ZNF772: variants seen among roughly 807,000 people sequenced by gnomAD.
ZNF772 encodes zinc finger protein 772.
A neutral mutation model predicts 11.0 loss-of-function variants in ZNF772; 8 were observed. That is an observed-to-expected ratio of 0.73 (90% CI 0.43 to 1.31). The LOEUF is 1.31. Among genes scored for constraint, ZNF772 ranks in the 50% most tolerant of loss-of-function variants. The pLI, the probability that ZNF772 is intolerant of heterozygous loss-of-function variation, is 0.01. For synonymous variants in ZNF772, 155 were observed against 180.4 expected (o/e 0.86, Z 1.13); for missense variants, 496 against 552.3 (o/e 0.90, Z 1.02).
Position 57,474,325 on chromosome 19 carries a change from G to A in ZNF772, c.296C>T (p.Thr99Ile). 1 of 1,614,008 alleles carries A rather than the reference G, an allele frequency of 6.2e-7. No homozygotes were observed. The highest frequency in any genetic ancestry group is 8.5e-7 in the Non-Finnish European group (1 of 1,180,006). Reference protein sequence around the residue: ...QIRIPKGGPSTQKAYPCGTCG... With the variant: ...QIRIPKGGPSIQKAYPCGTCG... ...TGTCCCACAGGGGTAAGCCTTCTGAGTAGAAGGACCTCCCTTGGGAATCCT... is the reference window on the plus strand; with the variant it reads ...TGTCCCACAGGGGTAAGCCTTCTGAATAGAAGGACCTCCCTTGGGAATCCT... The change falls in exon 4 of 4, where the codon ACT becomes ATT. Residue 99 changes from threonine to isoleucine, a missense_variant. Physicochemically the swap from Thr to Ile is moderately conservative, Grantham distance 89 (BLOSUM62 -1). Transcript: ENST00000356584.
At chr19:57,476,739 C>A in intron 1 of ZNF772, 67 bp from the exon 2 acceptor site, 2 of 1,396,954 alleles carry the variant, frequency 1.4e-6, no homozygotes, top group Non-Finnish European at 2.0e-6. Flanking sequence ...TCAACCCCAT[C>A]CCATATTCCT....
chr19:57,475,848 C>A lies in ZNF772; in HGVS notation c.73-62G>T, dbSNP rs996458029. ...TCTCTCCCAAGAACCCCCATCCGTG[C>A]CCCCACACATCTCCCTCCTGTACAC... On this transcript the variant is annotated intron_variant, in intron 2 of 3. Coordinates refer to ENST00000356584, the MANE Select transcript of ZNF772 (RefSeq NM_001144068.2). This position sits in a 1 kb window ranked among gnomAD's most constrained non-coding sequence, Gnocchi z 4.2. The A allele has an allele frequency of 2.6e-6, 4 of 1,544,662 alleles. No homozygotes were observed. Among genetic ancestry groups the A allele is most frequent in the Non-Finnish European group, 3.5e-6 (4 of 1,145,838 alleles).
At position 57,472,851 on chromosome 19, in the gene ZNF772, C is replaced by G. The variant is rs2089231524; in HGVS notation, c.*423G>C. The G allele has an allele frequency of 5.9e-6, 1 of 169,704 alleles. No homozygotes were observed. The highest frequency in any genetic ancestry group is 2.4e-5 in the African/African-American group (1 of 41,858). 10.5% of individuals were successfully genotyped at this position (169,704 alleles called of 1,614,324 possible). A position where few individuals can be genotyped will look rare whatever the true frequency, so the allele number is the denominator to read the frequency against. On this transcript the variant is annotated 3_prime_UTR_variant, in exon 4 of 4. Transcript: ENST00000356584. Reference sequence around the variant, plus strand: ...TGCCAGTGGTCAGCAGAACAAAGCTCCCATTTTTCTGGCTAAAACTGGGTC... The same window carrying G: ...TGCCAGTGGTCAGCAGAACAAAGCTGCCATTTTTCTGGCTAAAACTGGGTC...
intron 1 of ZNF772, 92 bp downstream of exon 1, chr19:57,477,185 C>A: frequency 6.4e-7 from 1 of 1,563,270 alleles, no homozygotes; most frequent in Non-Finnish European, 8.8e-7. Flanking sequence ...GATACAGGGG[C>A]CTGAGCTGCA....
At chr19:57,477,169 G>A in intron 1 of ZNF772, 108 bp downstream of exon 1, 2 of 1,497,398 alleles carry the variant, frequency 1.3e-6, no homozygotes, top group Non-Finnish European at 1.8e-6. Context: ...CGCCCCCACT[G>A]TTCTAGATAC....
rs1362700905 is a variant in ZNF772, at chr19:57,471,492, A to G, written c.*1782T>C. ...TATTAAACAACTAAAACAGAAAAAG[A>G]AAAAAACCATATAGGATTATGGTCA... On this transcript the variant is annotated 3_prime_UTR_variant, in exon 4 of 4. Transcript: ENST00000356584. 1.3e-5 allele frequency: 2 copies of G among 152,184 alleles called. No individual in the cohort carries two copies. The highest frequency in any genetic ancestry group is 2.9e-5 in the Non-Finnish European group (2 of 68,032). The allele number at this position is 152,184 out of a possible 1,614,324, so 9.4% of individuals were successfully genotyped here. A position where few individuals can be genotyped will look rare whatever the true frequency, so the allele number is the denominator to read the frequency against.
rs960282484 is a variant in ZNF772, at chr19:57,473,067, G to C, written c.*207C>G. 6.8e-6 allele frequency: 4 copies of C among 588,026 alleles called. No homozygotes were observed. Among genetic ancestry groups the C allele is most frequent in the East Asian group, 2.8e-5 (1 of 35,682 alleles). 36.4% of individuals were successfully genotyped at this position (588,026 alleles called of 1,614,324 possible). On this transcript the variant is annotated 3_prime_UTR_variant, in exon 4 of 4. Transcript: ENST00000356584. The stretch of plus-strand genomic sequence containing the variant: ...GATGGCTTCTAACAGGCACTGCCTT[G>C]ACGAAATTCCAGCAAGAGTCTAGAA...
Position 57,473,557 on chromosome 19 carries a change from T to C in ZNF772, c.1064A>G (p.His355Arg). The C allele has an allele frequency of 1.9e-6, 3 of 1,613,298 alleles. No homozygotes were observed. Among genetic ancestry groups the C allele is most frequent in the Non-Finnish European group, 2.5e-6 (3 of 1,179,276 alleles). The change falls in exon 4 of 4, where the codon CAT (histidine) becomes CGT (arginine). Residue 355 changes from histidine (H) to arginine (R), a missense_variant. His to Arg is a conservative substitution (Grantham distance 29). Coordinates refer to ENST00000356584, the MANE Select transcript of ZNF772 (RefSeq NM_001144068.2). Reference sequence around the variant, plus strand: ...CCTTGCTCCAGTATGAACACTCCAATGTTTAATGAGTCTGTATTTGTGACC... The same window carrying C: ...CCTTGCTCCAGTATGAACACTCCAACGTTTAATGAGTCTGTATTTGTGACC... ...YFGHKYRLIK[H>R]WSVHTGARPY...
In ZNF772 at chr19:57,473,253, G is replaced by C. The variant is rs2089236137; in HGVS notation, c.*21C>G. 1.3e-6 allele frequency: 2 copies of C among 1,596,038 alleles called. No homozygotes were observed. Among genetic ancestry groups the C allele is most frequent in the East Asian group, 4.5e-5 (2 of 44,650 alleles). On this transcript the variant is annotated 3_prime_UTR_variant, in exon 4 of 4. Coordinates refer to ENST00000356584, the MANE Select transcript of ZNF772 (RefSeq NM_001144068.2). ...GATGTCAGTTATTATGTTGAACAAG[G>C]AAACGGAATTATCTCCCATCCTAAG...
rs1050404392 is a variant in ZNF772, at chr19:57,471,113, A to G, written c.*2161T>C. 1.3e-5 allele frequency: 2 copies of G among 152,260 alleles called. No homozygotes were observed. The highest frequency in any genetic ancestry group is 2.9e-5 in the Non-Finnish European group (2 of 68,050). The allele number at this position is 152,260 out of a possible 1,614,324, so 9.4% of individuals were successfully genotyped here. ...GCTTCCTTGGTGAATTCTACCAAAC[A>G]TTTAAGGAAGAAATAATACCAATTA... On this transcript the variant is annotated 3_prime_UTR_variant, in exon 4 of 4. Coordinates refer to ENST00000356584, the MANE Select transcript of ZNF772 (RefSeq NM_001144068.2).
At chr19:57,474,462 G>A (rs761090033) in intron 3 of ZNF772, 41 bp from the exon 4 acceptor site, 1 of 1,564,716 alleles carries the variant, frequency 6.4e-7, no homozygotes, top group Non-Finnish European at 8.6e-7. Context: ...AATTGACACA[G>A]GTGGAAGAGG....
rs1482191287 is a variant in ZNF772, at chr19:57,473,567, G to A, written c.1054C>T (p.Leu352Phe). 4 of 1,613,102 alleles carry A rather than the reference G, an allele frequency of 2.5e-6. No individual in the cohort carries two copies. The African/African-American group carries it at 5.3e-5, about 22-fold the overall frequency. Residue 352 changes from leucine to phenylalanine, a missense_variant, in exon 4 of 4, where the codon CTC (leucine) becomes TTC (phenylalanine). Leu to Phe is a conservative substitution (Grantham distance 22). Coordinates refer to ENST00000356584, the MANE Select transcript of ZNF772 (RefSeq NM_001144068.2). ...GTATGAACACTCCAATGTTTAATGA[G>A]TCTGTATTTGTGACCAAAGTATTTT... is the stretch of plus-strand genomic sequence containing the variant. ...CGKYFGHKYR[L>F]IKHWSVHTGA...
chr19:57,475,102 C>T lies in ZNF772; in HGVS notation c.199+558G>A. On this transcript the variant is annotated intron_variant, in intron 3 of 3. Coordinates refer to ENST00000356584, the MANE Select transcript of ZNF772 (RefSeq NM_001144068.2). This position sits in a 1 kb window ranked among gnomAD's most constrained non-coding sequence, Gnocchi z 4.2. Reference sequence around the variant, plus strand: ...CAGTCAGGTACCCAGGGCTCACTACCCATCACCAGTGAGGCAACTATGTGG... The same window carrying T: ...CAGTCAGGTACCCAGGGCTCACTACTCATCACCAGTGAGGCAACTATGTGG... 1 of 1,614,156 alleles carries T rather than the reference C, an allele frequency of 6.2e-7. No homozygotes were observed. The highest frequency in any genetic ancestry group is 1.1e-5 in the South Asian group (1 of 91,072).
rs1166862293 is a variant in ZNF772, at chr19:57,473,699, G to T, written c.922C>A (p.Pro308Thr). 1.7e-5 allele frequency: 28 copies of T among 1,614,066 alleles called. No individual in the cohort carries two copies. The highest frequency in any genetic ancestry group is 2.3e-5 in the Non-Finnish European group (27 of 1,180,036). ...VHQRVHTGAR[P>T]YKCSECGKAY... ...TTCCCACATTCACTGCACTTGTAAGGCCTTGCTCCAGTGTGTACTCTTTGA... is the reference window on the plus strand; with the variant it reads ...TTCCCACATTCACTGCACTTGTAAGTCCTTGCTCCAGTGTGTACTCTTTGA... Residue 308 changes from proline to threonine, a missense_variant, in exon 4 of 4, where the codon CCT becomes ACT. Transcript: ENST00000356584.
At position 57,470,217 on chromosome 19, in the gene ZNF772, G is replaced by A. The variant is rs2089198612; in HGVS notation, c.*3057C>T. 1 of 152,130 alleles carries A rather than the reference G, an allele frequency of 6.6e-6. No homozygotes were observed. The highest frequency in any genetic ancestry group is 6.6e-5 in the Admixed American group (1 of 15,258). The allele number at this position is 152,130 out of a possible 1,614,324, so 9.4% of individuals were successfully genotyped here. A position where few individuals can be genotyped will look rare whatever the true frequency, so the allele number is the denominator to read the frequency against. ...TCTCTACTAAAAATACAAAAAATTA[G>A]CCAGGCATGGTGGCAGGCGCCTGTA... is the stretch of plus-strand genomic sequence containing the variant. On this transcript the variant is annotated 3_prime_UTR_variant, in exon 4 of 4. Coordinates refer to ENST00000356584, the MANE Select transcript of ZNF772 (RefSeq NM_001144068.2).
In ZNF772 at chr19:57,475,702, G is replaced by T; in HGVS notation, c.157C>A (p.Arg53Ser). 6.2e-7 allele frequency: 1 copy of T among 1,613,930 alleles called. No homozygotes were observed. The highest frequency in any genetic ancestry group is 1.1e-5 in the South Asian group (1 of 91,068). Reference sequence around the variant, plus strand: ...GCAAAGTTCTCCAGCATCACATCACGGTACAGGAGCCTCTGAGCCTCATCA... The same window carrying T: ...GCAAAGTTCTCCAGCATCACATCACTGTACAGGAGCCTCTGAGCCTCATCA... ...LLDEAQRLLY[R>S]DVMLENFALM... The change falls in exon 3 of 4, where the codon CGT becomes AGT. Residue 53 changes from arginine (R) to serine (S), a missense_variant. By Grantham distance (110) the Arg-to-Ser change is moderately radical. Transcript: ENST00000356584. This position sits in a 1 kb window ranked among gnomAD's most constrained non-coding sequence, Gnocchi z 4.2.
rs773264249 is a variant in ZNF772 at position 57,476,540 on chromosome 19, G to C, written c.72+94C>G. On this transcript the variant is annotated intron_variant, in intron 2 of 3. Coordinates refer to ENST00000356584, the MANE Select transcript of ZNF772 (RefSeq NM_001144068.2). ...GAGTCCTCAGACCCAAGAGATCGGAGAGTAGCAGGAGAGTGTTCTATATAA... is the reference window on the plus strand; with the variant it reads ...GAGTCCTCAGACCCAAGAGATCGGACAGTAGCAGGAGAGTGTTCTATATAA... The C allele has an allele frequency of 5.5e-6, 8 of 1,457,100 alleles. No individual in the cohort carries two copies. The African/African-American group carries it at 9.8e-5, about 18-fold the overall frequency. 90.3% of individuals were successfully genotyped at this position (1,457,100 alleles called of 1,614,324 possible). A position where few individuals can be genotyped will look rare whatever the true frequency, so the allele number is the denominator to read the frequency against.
At chr19:57,477,053 T>C (rs2089292639) in intron 1 of ZNF772, among the ~76,000 whole-genome samples, 1 of 152,146 alleles carries the variant, frequency 6.6e-6, no homozygotes, top group Admixed American at 6.5e-5. Flanking sequence ...GGCCCAGTTT[T>C]CCCAAATGCT....
chr19:57,474,974 A>G (rs2089265494), intron 3 of ZNF772: 2 of 1,611,936 alleles, frequency 1.2e-6, no homozygotes, highest in Admixed American at 1.7e-5. Flanking sequence ...AGGCTATGGA[A>G]TGATATGAAC....
Sources: gnomAD v4.1 joint callset for allele counts (sites outside exome capture counted in the v4.1 genomes callset) on GRCh38, gnomAD v4.1.1 for gene constraint, Gnocchi (gnomAD v3.1) non-coding constraint, MANE v1.5 for transcripts, NCBI Gene and HGNC (gene_info 2026-07-23, HGNC 2026-07-21) for gene names.